EYA4: variants seen among roughly 807,000 people sequenced by gnomAD.
EYA4 encodes the protein protein phosphatase EYA4.
Under a neutral mutation model 87.9 loss-of-function variants are expected in EYA4, and 31 were observed. The ratio of observed to expected loss-of-function variants is 0.35; its 90% confidence interval spans 0.27 to 0.48. The LOEUF is 0.48. Among genes scored for constraint, EYA4 ranks in the 20% least tolerant of loss-of-function variants. The pLI, the probability that EYA4 is intolerant of heterozygous loss-of-function variation, is 0.99. For synonymous variants in EYA4, 263 were observed against 270.6 expected, an observed-to-expected ratio of 0.97 and a Z score of 0.28; for missense variants, 678 against 761.4, an observed-to-expected ratio of 0.89 and a Z score of 1.29.
At chr6:133,290,804 T>G (rs1193267399) in intron 2 of EYA4, among the ~76,000 whole-genome samples, 1 of 152,172 alleles carries the variant, frequency 6.6e-6, no homozygotes, top group Non-Finnish European at 1.5e-5. Flanking sequence ...CAACACTTTG[T>G]TTTGAAATGA....
At chr6:133,408,281 T>A (rs929741166) in intron 3 of EYA4, among the ~76,000 whole-genome samples, 10 of 152,212 alleles carry the variant, frequency 6.6e-5, no homozygotes, top group Non-Finnish European at 1.5e-4. Flanking sequence ...GAGGGAGACA[T>A]CTGGCTTCTT....
In EYA4 at chr6:133,369,479, A is replaced by G. The variant is rs73559653; in HGVS notation, c.34-12913A>G. ...TTCAGTCTACCTCAGATGAAAATAT[A>G]TACAAAATAAATTAAATAAAAATGT... On this transcript the variant is annotated intron_variant, in intron 2 of 19. Transcript: ENST00000355286. Among the ~76,000 whole-genome samples, 244 of 152,184 alleles carry G rather than the reference A, an allele frequency of 1.6e-3. 1 individual carries two copies. The highest frequency in any genetic ancestry group is 5.8e-3 in the African/African-American group (241 of 41,520).
intron 2 of EYA4, among the ~76,000 whole-genome samples, chr6:133,371,994 T>A (rs1369062429): frequency 6.6e-6 from 1 of 152,138 alleles, no homozygotes; most frequent in African/African-American, 2.4e-5. Flanking sequence ...CTTTAACCCT[T>A]GAGCATTCCT....
chr6:133,390,783 A>C (rs886324586), intron 3 of EYA4, among the ~76,000 whole-genome samples: 2 of 152,178 alleles, frequency 1.3e-5, no homozygotes, highest in African/African-American at 4.8e-5. Context: ...CTTATCTGGT[A>C]AGTTCTACAG....
chr6:133,334,379 A>G (rs1054495089), intron 2 of EYA4, among the ~76,000 whole-genome samples: 1 of 152,228 alleles, frequency 6.6e-6, no homozygotes, highest in Non-Finnish European at 1.5e-5. Context: ...AAAACAGCCT[A>G]GTCCAGAATG....
rs563076549 is a variant in EYA4, at chr6:133,332,805, G to A, written c.34-49587G>A. Among the ~76,000 whole-genome samples the A allele has an allele frequency of 5.3e-4, 77 of 146,410 alleles. 1 individual carries two copies. Among genetic ancestry groups the A allele is most frequent in the African/African-American group, 1.8e-3 (72 of 39,486 alleles). On this transcript the variant is annotated intron_variant, in intron 2 of 19. Transcript: ENST00000355286. ...TCTCAATCTCCTGACCTCGTGATCC[G>A]CCCGCGTTGGCCTCGCAGAGTGCTG...
At chr6:133,361,077 G>A (rs1028798913) in intron 2 of EYA4, among the ~76,000 whole-genome samples, 3 of 152,162 alleles carry the variant, frequency 2.0e-5, no homozygotes, top group Non-Finnish European at 4.4e-5. Context: ...ATCCAGACTA[G>A]ATTGGGTCAC....
At chr6:133,305,209 G>A (rs1039433855) in intron 2 of EYA4, among the ~76,000 whole-genome samples, 6 of 152,124 alleles carry the variant, frequency 3.9e-5, no homozygotes, top group African/African-American at 1.4e-4. Flanking sequence ...TAAGAGATGG[G>A]GTCAGGCTAG....
chr6:133,301,430 C>G (rs899340643), intron 2 of EYA4, among the ~76,000 whole-genome samples: 1 of 152,064 alleles, frequency 6.6e-6, no homozygotes, highest in Non-Finnish European at 1.5e-5. Flanking sequence ...TTATGATTAT[C>G]AAGATTTTAG....
In EYA4 at chr6:133,464,837, G is replaced by A. The variant is rs17854076; in HGVS notation, c.783G>A (p.Thr261=). ...IYANNSVSNS[T]NFSGSQQDYP... The stretch of plus-strand genomic sequence containing the variant: ...CAAATAATTCAGTTTCCAATTCAAC[G>A]AATTTCAGTGGTTCACAACAGGTAT... The change falls in exon 10 of 20, where the codon ACG becomes ACA. Residue 261 remains threonine (T), a synonymous_variant. Transcript: ENST00000355286. 1.5e-3 allele frequency: 2,405 copies of A among 1,610,040 alleles called. 6 individuals carry two copies. Among genetic ancestry groups the A allele is most frequent in the Non-Finnish European group, 1.9e-3 (2,203 of 1,177,138 alleles).
intron 2 of EYA4, among the ~76,000 whole-genome samples, chr6:133,336,205 T>C (rs923683381): frequency 5.3e-5 from 8 of 152,134 alleles, no homozygotes; most frequent in African/African-American, 1.9e-4. Context: ...GGGAATAATA[T>C]AGTCCTGTGG....
intron 11 of EYA4, among the ~76,000 whole-genome samples, chr6:133,473,052 A>T (rs1795413933): frequency 6.6e-6 from 1 of 152,062 alleles, no homozygotes; most frequent in Non-Finnish European, 1.5e-5. Context: ...AAGAACTGTC[A>T]AAATTCACTA....
chr6:133,267,576 T>G (rs922078080), intron 1 of EYA4, among the ~76,000 whole-genome samples: 2 of 152,096 alleles, frequency 1.3e-5, no homozygotes, highest in Non-Finnish European at 2.9e-5. Flanking sequence ...AGAGACAGGG[T>G]TTCACCATGT....
At chr6:133,517,776 C>T (rs4053065) in intron 17 of EYA4, among the ~76,000 whole-genome samples, 35,820 of 152,036 alleles carry the variant, frequency 0.24, 6,047 homozygotes, top group African/African-American at 0.48. Flanking sequence ...TCAAGTGTGG[C>T]AGTCACGGGT....
intron 2 of EYA4, among the ~76,000 whole-genome samples, chr6:133,362,058 C>T (rs1784486953): frequency 6.6e-6 from 1 of 152,168 alleles, no homozygotes; most frequent in Admixed American, 6.6e-5. Flanking sequence ...TAGGTAGAAA[C>T]CAAGCAAATA....
At chr6:133,507,520 C>T (rs1798752003) in intron 14 of EYA4, among the ~76,000 whole-genome samples, 2 of 152,152 alleles carry the variant, frequency 1.3e-5, no homozygotes, top group South Asian at 4.1e-4. Flanking sequence ...TGTTATCCCT[C>T]TCCTAGCCCT....
chr6:133,294,365 G>GT (rs1376166980), intron 2 of EYA4, among the ~76,000 whole-genome samples: 19 of 142,360 alleles, frequency 1.3e-4, no homozygotes, highest in South Asian at 1.1e-3. Context: ...TTTTGTTTTT[G>GT]TTTTTTTTGT....
At chr6:133,364,059 C>G (rs1245578582) in intron 2 of EYA4, among the ~76,000 whole-genome samples, 1 of 152,182 alleles carries the variant, frequency 6.6e-6, no homozygotes, top group Admixed American at 6.5e-5. Context: ...TTATGTTCAG[C>G]CTCACCATCA....
chr6:133,245,307 G>A (rs1197283755), intron 1 of EYA4: 3 of 152,136 alleles, frequency 2.0e-5, no homozygotes, highest in South Asian at 2.1e-4. Flanking sequence ...AGTAGGAGAC[G>A]TTTTGAATCC....
Sources: gnomAD v4.1 joint callset for allele counts (sites outside exome capture counted in the v4.1 genomes callset) on GRCh38, gnomAD v4.1.1 for gene constraint, MANE v1.5 for transcripts, NCBI Gene and HGNC (gene_info 2026-07-23, HGNC 2026-07-21) for gene names.